The following RGPD4 variants were observed in gnomAD, a reference collection of about 807,000 sequenced individuals.
RGPD4 encodes the protein ranBP2-like and GRIP domain-containing protein 4.
In RGPD4, 84 loss-of-function variants were observed where a neutral mutation model predicts 141.1. That is an observed-to-expected ratio of 0.60 (90% CI 0.50 to 0.71). The LOEUF is 0.71. RGPD4 is among the 30% of genes least tolerant of loss of function. The pLI is 0.00. For synonymous variants in RGPD4, 298 were observed against 566.8 expected (o/e 0.53, Z 6.74); for missense variants, 918 against 1,622.4 (o/e 0.57, Z 7.46).
chr2:107,890,634 A>G, intron 22 of RGPD4, 87 bp from the exon 23 acceptor site: 3 of 765,920 alleles, frequency 3.9e-6, no homozygotes, highest in South Asian at 1.7e-5. Context: ...ATTTGCTTAT[A>G]TTGTAGAGTG....
intron 7 of RGPD4, among the ~76,000 whole-genome samples, chr2:107,849,294 T>C (rs890697192): frequency 5.3e-5 from 6 of 112,922 alleles, no homozygotes; most frequent in African/African-American, 1.5e-4. Context: ...GACCTCGTGA[T>C]CTACCTGCCT....
rs201742499 is a variant in RGPD4 at position 107,872,295 on chromosome 2, G to A, written c.4291G>A (p.Ala1431Thr). The A allele has an allele frequency of 4.9e-3, 7,968 of 1,610,104 alleles. 29 individuals are homozygous for A. Among genetic ancestry groups the A allele is most frequent in the Admixed American group, 8.0e-3 (481 of 59,778 alleles). Residue 1431 changes from alanine to threonine, a missense_variant, in exon 20 of 23, where the codon GCA becomes ACA. Physicochemically the swap from Ala to Thr is moderately conservative, Grantham distance 58 (BLOSUM62 0). Coordinates refer to ENST00000408999, the MANE Select transcript of RGPD4 (RefSeq NM_182588.3). ...GACAGAAAGAGTATGGGTGTGGACT[G>A]CATGTGATTTTGCAGATGGAGAAAG... ...KGTERVWVWT[A>T]CDFADGERKV... is the part of the protein sequence containing the mutation.
At chr2:107,846,757 C>T (rs571626947) in intron 6 of RGPD4, among the ~76,000 whole-genome samples, 43 of 151,392 alleles carry the variant, frequency 2.8e-4, no homozygotes, top group African/African-American at 7.8e-4. Context: ...TGTGAGCCAC[C>T]GCACAGGGCC....
rs1445461868 is a variant in RGPD4 at position 107,857,682 on chromosome 2, G to C, written c.1276+713G>C. Among the ~76,000 whole-genome samples the C allele has an allele frequency of 1.3e-5, 2 of 151,752 alleles. 1 individual carries two copies. The highest frequency in any genetic ancestry group is 1.3e-4 in the Admixed American group (2 of 15,258). ...ACTCCTAGGCTCAAGTGATCCTCCTGCCTAAGCCCCCCAAAGTGTTGGGAT... is the reference window on the plus strand; with the variant it reads ...ACTCCTAGGCTCAAGTGATCCTCCTCCCTAAGCCCCCCAAAGTGTTGGGAT... On this transcript the variant is annotated intron_variant, in intron 9 of 22. Transcript: ENST00000408999.
In RGPD4 at chr2:107,890,762, T is replaced by C; in HGVS notation, c.*31T>C. 6.2e-7 allele frequency: 1 copy of C among 1,603,562 alleles called. No homozygotes were observed. Among genetic ancestry groups the C allele is most frequent in the Non-Finnish European group, 8.5e-7 (1 of 1,176,654 alleles). On this transcript the variant is annotated 3_prime_UTR_variant, in exon 23 of 23. Transcript: ENST00000408999. Reference sequence around the variant, plus strand: ...TTCCCGTTCTTCTGGATGGGCATCCTATCTTCGTAGTTGGTTTGGACTTCG... The same window carrying C: ...TTCCCGTTCTTCTGGATGGGCATCCCATCTTCGTAGTTGGTTTGGACTTCG...
At chr2:107,881,098 A>G (rs1374388452) in intron 21 of RGPD4, among the ~76,000 whole-genome samples, 1 of 150,318 alleles carries the variant, frequency 6.7e-6, no homozygotes, top group East Asian at 2.0e-4. Context: ...TGCTCCTAAT[A>G]GATCTGTCCT....
At chr2:107,888,640 C>T (rs1045253296) in intron 22 of RGPD4, among the ~76,000 whole-genome samples, 1 of 149,852 alleles carries the variant, frequency 6.7e-6, no homozygotes, top group African/African-American at 2.5e-5. Flanking sequence ...TTATTTTTAA[C>T]CAGTAGAATA....
At chr2:107,859,667 A>C (rs1338249322) in intron 11 of RGPD4, 55 bp from the exon 12 acceptor site, 2 of 1,611,066 alleles carry the variant, frequency 1.2e-6, no homozygotes, top group African/African-American at 2.7e-5. Context: ...ATATGTATGT[A>C]AGCGCTGAAC....
At chr2:107,883,898 A>T (rs1675437663) in intron 22 of RGPD4, among the ~76,000 whole-genome samples, 1 of 152,140 alleles carries the variant, frequency 6.6e-6, no homozygotes. Flanking sequence ...ACTCATGGAC[A>T]ATCTTTTGGC....
intron 7 of RGPD4, 91 bp from the exon 8 acceptor site, chr2:107,854,465 T>TC: frequency 1.3e-6 from 1 of 765,786 alleles, no homozygotes; most frequent in Non-Finnish European, 2.1e-6. Context: ...TCATTCATTA[T>TC]CAAAAAAAGT....
At chr2:107,846,118 G>A (rs1050005943) in intron 6 of RGPD4, among the ~76,000 whole-genome samples, 25 of 141,472 alleles carry the variant, frequency 1.8e-4, no homozygotes, top group Non-Finnish European at 2.4e-4. Flanking sequence ...AGTAGAGATG[G>A]GGTTTCACTG....
Position 107,882,868 on chromosome 2 carries a change from C to A in RGPD4, c.5261C>A (p.Ala1754Asp). The A allele has an allele frequency of 6.2e-7, 1 of 1,604,664 alleles. No individual in the cohort carries two copies. Among genetic ancestry groups the A allele is most frequent in the Non-Finnish European group, 8.5e-7 (1 of 1,175,676 alleles). ...GAAAAGGGAAAACTTGCTGCGGTTG[C>A]TCAAGGTGGGTAAAAGGAGAGTCTC... ...PEEKGKLAAV[A>D]QGEE Residue 1754 changes from alanine to aspartate, a missense_variant, in exon 22 of 23, where the codon GCT becomes GAT. Physicochemically the swap from Ala to Asp is moderately radical, Grantham distance 126. Transcript: ENST00000408999.
chr2:107,884,744 TAA>T (rs1455295642), intron 22 of RGPD4, among the ~76,000 whole-genome samples: 4 of 148,054 alleles, frequency 2.7e-5, no homozygotes, highest in Non-Finnish European at 6.0e-5. Context: ...ACTAAACTGA[TAA>T]GAGTCATCCT....
chr2:107,858,920 TC>T (rs1682435118), intron 9 of RGPD4, among the ~76,000 whole-genome samples, 193 bp from the exon 10 acceptor site: 1 of 38,772 alleles, frequency 2.6e-5, no homozygotes, highest in Non-Finnish European at 5.1e-5. Flanking sequence ...TATTAAAATT[TC>T]TAGAAATAAT....
rs753456096 is a variant in RGPD4 at position 107,859,756 on chromosome 2, C to G, written c.1669C>G (p.Gln557Glu). Residue 557 changes from glutamine to glutamate, a missense_variant, in exon 12 of 23, where the codon CAG becomes GAG. Coordinates refer to ENST00000408999, the MANE Select transcript of RGPD4 (RefSeq NM_182588.3). ...GNSAKLRLLV[Q>E]HEINTLRAQE... ...CTCAGCAAAATTGAGACTTTTAGTTCAGCATGAAATAAACACTCTAAGAGC... is the reference window on the plus strand; with the variant it reads ...CTCAGCAAAATTGAGACTTTTAGTTGAGCATGAAATAAACACTCTAAGAGC... 1 of 1,610,760 alleles carries G rather than the reference C, an allele frequency of 6.2e-7. No homozygotes were observed. Among genetic ancestry groups the G allele is most frequent in the African/African-American group, 1.4e-5 (1 of 74,028 alleles).
intron 22 of RGPD4, among the ~76,000 whole-genome samples, chr2:107,885,045 C>T (rs1447702289): frequency 1.3e-5 from 2 of 152,092 alleles, no homozygotes; most frequent in Non-Finnish European, 2.9e-5. Context: ...AATCTCAGTT[C>T]TTCAAACTAC....
At chr2:107,873,545 G>A (rs1158292184) in intron 20 of RGPD4, among the ~76,000 whole-genome samples, 8 of 136,426 alleles carry the variant, frequency 5.9e-5, no homozygotes, top group Admixed American at 5.2e-4. Flanking sequence ...CTGCACTCCA[G>A]CCTGACTGAG....
At chr2:107,876,243 C>A (rs1192653750) in intron 20 of RGPD4, among the ~76,000 whole-genome samples, 1 of 151,658 alleles carries the variant, frequency 6.6e-6, no homozygotes, top group East Asian at 1.9e-4. Context: ...TCATCTTTGT[C>A]AATTTTTTTG....
At chr2:107,881,954 G>A (rs1222600670) in intron 21 of RGPD4, among the ~76,000 whole-genome samples, 1 of 151,858 alleles carries the variant, frequency 6.6e-6, no homozygotes, top group African/African-American at 2.4e-5. Context: ...AACAGCGTAG[G>A]GGCAGGGGGT....
Sources: allele counts gnomAD v4.1 joint callset (sites outside exome capture counted in the v4.1 genomes callset), GRCh38; gene constraint gnomAD v4.1.1; transcripts MANE v1.5; gene names NCBI Gene and HGNC (gene_info 2026-07-23, HGNC 2026-07-21).